MSRA: variants seen among roughly 807,000 people sequenced by gnomAD.
MSRA encodes methionine sulfoxide reductase A, also known as mitochondrial peptide methionine sulfoxide reductase.
Under a neutral mutation model 31.3 loss-of-function variants are expected in MSRA, and 54 were observed. That is an observed-to-expected ratio of 1.73 (90% CI 1.39 to 2.17). The LOEUF (loss-of-function observed/expected upper bound fraction) is 2.17, where lower values mean the gene tolerates loss of function less well. MSRA is among the 30% of genes most tolerant of loss of function. The pLI is 0.00. For synonymous variants in MSRA, 169 were observed against 116.5 expected, an observed-to-expected ratio of 1.45 and a Z score of -2.90; for missense variants, 507 against 300.9, an observed-to-expected ratio of 1.69 and a Z score of -5.07.
intron 3 of MSRA, among the ~76,000 whole-genome samples, chr8:10,298,631 A>AG (rs1398589800): frequency 8.8e-6 from 1 of 113,114 alleles, no homozygotes; most frequent in East Asian, 3.5e-4. Flanking sequence ...AATAGGAAAA[A>AG]AATCATGAGC....
rs200268786 is a variant in MSRA, at chr8:10,099,936, G to T, written c.142+45278G>T. On this transcript the variant is annotated intron_variant, in intron 1 of 5. Transcript: ENST00000317173. ...TGTGGCCTGAGCATGCAGCAGGCCA[G>T]TGGAGTGCCCAGTGAGTTTAAAGTG... Among the ~76,000 whole-genome samples the T allele has an allele frequency of 6.6e-5, 10 of 152,344 alleles. No homozygotes were observed. In the East Asian group the frequency reaches 1.2e-3, roughly 18 times the overall value.
At chr8:10,095,506 G>C (rs1174816914) in intron 1 of MSRA, 1 of 985,386 alleles carries the variant, frequency 1.0e-6, no homozygotes, top group Non-Finnish European at 1.2e-6. Context: ...GCACAGCCTG[G>C]ACCTCCGCCA....
chr8:10,207,797 A>G (rs887682091), intron 1 of MSRA, 36 bp from the exon 2 acceptor site: 1 of 1,580,116 alleles, frequency 6.3e-7, no homozygotes, highest in Non-Finnish European at 8.6e-7. Context: ...TTAGAACTTT[A>G]CACTTAAACT....
chr8:10,369,231 C>T (rs1805340459), intron 5 of MSRA, among the ~76,000 whole-genome samples: 1 of 150,878 alleles, frequency 6.6e-6, no homozygotes, highest in Non-Finnish European at 1.5e-5. Context: ...TGAATTATGC[C>T]TCCTTTCATA....
At chr8:10,092,533 C>A (rs1340213778) in intron 1 of MSRA, among the ~76,000 whole-genome samples, 2 of 152,110 alleles carry the variant, frequency 1.3e-5, no homozygotes, top group Non-Finnish European at 2.9e-5. Context: ...TGGCGCACGC[C>A]TTTAGTCCCA....
chr8:10,272,610 T>A (rs542706840), intron 3 of MSRA, among the ~76,000 whole-genome samples: 102 of 152,348 alleles, frequency 6.7e-4, no homozygotes, highest in Non-Finnish European at 1.3e-3. Flanking sequence ...CAGAATAATA[T>A]TTAGCCAAAT....
At chr8:10,176,777 A>G (rs1806091709) in intron 1 of MSRA, among the ~76,000 whole-genome samples, 1 of 152,186 alleles carries the variant, frequency 6.6e-6, no homozygotes, top group Non-Finnish European at 1.5e-5. Context: ...CTCAGAGCAG[A>G]ACCTAGTCCC....
chr8:10,079,796 G>A (rs1798191413), intron 1 of MSRA, among the ~76,000 whole-genome samples: 1 of 152,168 alleles, frequency 6.6e-6, no homozygotes, highest in Admixed American at 6.5e-5. Flanking sequence ...AGAAGCCACT[G>A]TGGCCCCTGA....
At position 10,397,262 on chromosome 8, in the gene MSRA, T is replaced by C. The variant is rs555207874; in HGVS notation, c.544-30886T>C. The stretch of plus-strand genomic sequence containing the variant: ...AGGTATGAACAAACCAGTGCGCAAA[T>C]ATTTAAGCTTCTCCCTTTGAATCAT... On this transcript the variant is annotated intron_variant, in intron 5 of 5. Transcript: ENST00000317173. Among the ~76,000 whole-genome samples, 3 of 152,320 alleles carry C rather than the reference T, an allele frequency of 2.0e-5. No individual in the cohort carries two copies. The East Asian group carries it at 5.8e-4, about 29-fold the overall frequency.
chr8:10,156,459 G>C (rs1040565653), intron 1 of MSRA, among the ~76,000 whole-genome samples: 1 of 152,146 alleles, frequency 6.6e-6, no homozygotes, highest in African/African-American at 2.4e-5. Flanking sequence ...GTATGAGAGA[G>C]AGGGGATTTG....
intron 1 of MSRA, among the ~76,000 whole-genome samples, chr8:10,179,059 CACA>C (rs1806313908): frequency 6.6e-6 from 1 of 152,168 alleles, no homozygotes; most frequent in South Asian, 2.1e-4. Flanking sequence ...CCCTATTTCT[CACA>C]ATCTCCCCCT....
intron 1 of MSRA, among the ~76,000 whole-genome samples, chr8:10,062,659 C>T (rs1162555844): frequency 4.6e-5 from 7 of 152,100 alleles, no homozygotes; most frequent in Non-Finnish European, 1.0e-4. Flanking sequence ...GTAATGGGGA[C>T]GAGCATAGTG....
chr8:10,327,811 T>C (rs977260869), intron 5 of MSRA, among the ~76,000 whole-genome samples: 1 of 152,012 alleles, frequency 6.6e-6, no homozygotes, highest in African/African-American at 2.4e-5. Flanking sequence ...TGGGCGCCTG[T>C]AGTCCCAGCT....
chr8:10,335,854 G>T (rs1439083255), intron 5 of MSRA, among the ~76,000 whole-genome samples: 1 of 152,170 alleles, frequency 6.6e-6, no homozygotes, highest in East Asian at 1.9e-4. Context: ...AAGGAGCCTG[G>T]GAGGCTGTCA....
At chr8:10,217,309 G>T (rs1414751726) in intron 2 of MSRA, among the ~76,000 whole-genome samples, 1 of 152,208 alleles carries the variant, frequency 6.6e-6, no homozygotes, top group Non-Finnish European at 1.5e-5. Context: ...GTGGCTGTTT[G>T]CCACACTGCT....
chr8:10,272,434 G>C (rs2952174), intron 3 of MSRA, among the ~76,000 whole-genome samples: 14,175 of 152,172 alleles, frequency 0.093, 943 homozygotes, highest in Admixed American at 0.21. Context: ...CAGTGTCTCA[G>C]CTCAATCCTT....
At chr8:10,421,107 C>T (rs933733613) in intron 5 of MSRA, among the ~76,000 whole-genome samples, 1 of 152,136 alleles carries the variant, frequency 6.6e-6, no homozygotes, top group Admixed American at 6.5e-5. Context: ...CACATACAGG[C>T]TGATCCATGT....
intron 5 of MSRA, among the ~76,000 whole-genome samples, chr8:10,390,071 G>C (rs1322774182): frequency 6.6e-6 from 1 of 152,220 alleles, no homozygotes; most frequent in Non-Finnish European, 1.5e-5. Context: ...GCCTTCTGCA[G>C]GTGCAGCACT....
chr8:10,232,489 G>T (rs748988103), intron 2 of MSRA, among the ~76,000 whole-genome samples: 10 of 152,210 alleles, frequency 6.6e-5, no homozygotes, highest in Non-Finnish European at 1.0e-4. Context: ...TGCCTTTCAT[G>T]AGTGCGGAAG....
Sources: allele counts gnomAD v4.1 joint callset (sites outside exome capture counted in the v4.1 genomes callset), GRCh38; gene constraint gnomAD v4.1.1; transcripts MANE v1.5; gene names NCBI Gene and HGNC (gene_info 2026-07-23, HGNC 2026-07-21).